The following ITGA8 variants were observed in gnomAD, a reference collection of about 807,000 sequenced individuals.
ITGA8 encodes integrin subunit alpha 8.
In ITGA8, 91 loss-of-function variants were observed where a neutral mutation model predicts 142.3. That is an observed-to-expected ratio of 0.64 (90% CI 0.54 to 0.76). The LOEUF (loss-of-function observed/expected upper bound fraction) is 0.76. ITGA8 is among the 30% of genes least tolerant of loss of function. The pLI is 0.00. For synonymous variants in ITGA8, 505 were observed against 485.2 expected (o/e 1.04, Z -0.54); for missense variants, 1,406 against 1,327.7 (o/e 1.06, Z -0.92).
At chr10:15,557,270 C>A (rs1833903542) in intron 26 of ITGA8, among the ~76,000 whole-genome samples, 1 of 152,142 alleles carries the variant, frequency 6.6e-6, no homozygotes, top group Admixed American at 6.5e-5. Flanking sequence ...GCCCCAGCTA[C>A]TCGGGAGACT....
chr10:15,637,768 C>T (rs562814685), intron 13 of ITGA8, among the ~76,000 whole-genome samples: 1 of 151,726 alleles, frequency 6.6e-6, no homozygotes, highest in South Asian at 2.1e-4. Context: ...ATTGGGATTA[C>T]AGGCATGAGC....
rs7922680 is a variant in ITGA8, at chr10:15,614,923, T to G, written c.1446-1156A>C. ...GAGATATACTGGGATCAAACACTTA[T>G]GAGGAAAAGTGGGGAGATGGAGGGG... is the stretch of plus-strand genomic sequence containing the variant. On this transcript the variant is annotated intron_variant, in intron 14 of 29. Transcript: ENST00000378076. Among the ~76,000 whole-genome samples the G allele has an allele frequency of 7.1e-3, 1,081 of 151,988 alleles. 15 individuals are homozygous for G. The highest frequency in any genetic ancestry group is 0.025 in the African/African-American group (1,017 of 41,458).
At chr10:15,660,731 G>A (rs1175219389) in intron 9 of ITGA8, 148 bp downstream of exon 9, 4 of 661,048 alleles carry the variant, frequency 6.1e-6, no homozygotes, top group African/African-American at 1.8e-5. Context: ...GGTTAGGTAA[G>A]CTATGATGTT....
intron 8 of ITGA8, among the ~76,000 whole-genome samples, chr10:15,665,220 A>G (rs1340523608): frequency 1.3e-5 from 2 of 152,194 alleles, no homozygotes; most frequent in Non-Finnish European, 2.9e-5. Context: ...AACTATTGTG[A>G]GATGGTATCT....
chr10:15,552,209 G>T (rs1230264315), intron 26 of ITGA8, among the ~76,000 whole-genome samples: 1 of 151,646 alleles, frequency 6.6e-6, no homozygotes, highest in African/African-American at 2.4e-5. Context: ...CCATCTCAGC[G>T]CACTACAAGC....
chr10:15,567,243 C>T (rs1422792870), intron 25 of ITGA8, among the ~76,000 whole-genome samples: 1 of 151,924 alleles, frequency 6.6e-6, no homozygotes, highest in Admixed American at 6.6e-5. Flanking sequence ...ACTTTTTCAA[C>T]CTCATCTTAT....
intron 15 of ITGA8, among the ~76,000 whole-genome samples, chr10:15,608,598 T>A (rs1187952209): frequency 6.6e-6 from 1 of 152,192 alleles, no homozygotes; most frequent in African/African-American, 2.4e-5. Context: ...CAGGTCAGTA[T>A]CTTCCATGTG....
At chr10:15,655,097 A>G (rs113733003) in intron 11 of ITGA8, among the ~76,000 whole-genome samples, 5 of 108,036 alleles carry the variant, frequency 4.6e-5, no homozygotes, top group African/African-American at 1.6e-4. Flanking sequence ...GCTGAAGACT[A>G]TAAAATTAAA....
At chr10:15,625,517 G>A (rs547148860) in intron 13 of ITGA8, among the ~76,000 whole-genome samples, 55 of 152,346 alleles carry the variant, frequency 3.6e-4, no homozygotes, top group African/African-American at 1.3e-3. Context: ...GTATGTAGCT[G>A]CCTATTGGAA....
chr10:15,646,771 C>T, intron 12 of ITGA8, 75 bp downstream of exon 12: 2 of 1,121,276 alleles, frequency 1.8e-6, no homozygotes. Flanking sequence ...ATACTGAATA[C>T]TTTAAAACAG....
At chr10:15,676,749 C>T (rs1834637833) in intron 6 of ITGA8, among the ~76,000 whole-genome samples, 1 of 152,166 alleles carries the variant, frequency 6.6e-6, no homozygotes, top group Admixed American at 6.5e-5. Flanking sequence ...TGGCTTAGGC[C>T]TGTAATCCTA....
In ITGA8 at chr10:15,607,726, A is replaced by G. The variant is rs1169946980; in HGVS notation, c.1715T>C (p.Ile572Thr). 1 of 1,613,968 alleles carries G rather than the reference A, an allele frequency of 6.2e-7. No homozygotes were observed. Among genetic ancestry groups the G allele is most frequent in the South Asian group, 1.1e-5 (1 of 91,076 alleles). ...GCACTGGTGGGATTTCTGCCTTTTT[A>G]TCACAAGAGGGAAGACGCGATGAGC... ...HQAHRVFPLV[I>T]KRQKSHQCQD... Residue 572 changes from isoleucine (I) to threonine (T), a missense_variant, in exon 17 of 30, where the codon ATA becomes ACA. Transcript: ENST00000378076.
intron 13 of ITGA8, among the ~76,000 whole-genome samples, chr10:15,625,333 A>T (rs1470202610): frequency 2.0e-5 from 3 of 152,228 alleles, no homozygotes; most frequent in Non-Finnish European, 2.9e-5. Flanking sequence ...TGGCTACAAG[A>T]ATGATCCTTC....
At chr10:15,546,299 T>C (rs1436996182) in intron 27 of ITGA8, among the ~76,000 whole-genome samples, 1 of 152,238 alleles carries the variant, frequency 6.6e-6, no homozygotes. Flanking sequence ...AGGTGCTATG[T>C]CTGTTGTGTT....
chr10:15,662,122 C>T (rs1400915157), intron 8 of ITGA8, among the ~76,000 whole-genome samples: 1 of 152,038 alleles, frequency 6.6e-6, no homozygotes, highest in Non-Finnish European at 1.5e-5. Context: ...TCTGCAATCT[C>T]ATGTGACCAC....
intron 28 of ITGA8, among the ~76,000 whole-genome samples, chr10:15,521,838 T>G (rs1371674421): frequency 6.6e-6 from 1 of 152,174 alleles, no homozygotes; most frequent in East Asian, 1.9e-4. Context: ...CCTAAGTAAT[T>G]TATTCTGAAA....
intron 25 of ITGA8, among the ~76,000 whole-genome samples, chr10:15,562,097 A>C (rs1833994589): frequency 6.6e-6 from 1 of 152,204 alleles, no homozygotes; most frequent in Non-Finnish European, 1.5e-5. Context: ...CTCTTGACAC[A>C]TGCGGATTAT....
At chr10:15,569,953 G>A (rs558975726) in intron 25 of ITGA8, among the ~76,000 whole-genome samples, 9 of 152,214 alleles carry the variant, frequency 5.9e-5, no homozygotes, top group Middle Eastern at 3.4e-3. Context: ...CATCATAAGA[G>A]GAGAATAATT....
chr10:15,564,019 A>G (rs567696811), intron 25 of ITGA8, among the ~76,000 whole-genome samples: 7 of 152,330 alleles, frequency 4.6e-5, no homozygotes, highest in African/African-American at 1.4e-4. Flanking sequence ...AACATGTCCT[A>G]TTGGGGTAAA....
Sources: allele counts gnomAD v4.1 joint callset (sites outside exome capture counted in the v4.1 genomes callset), GRCh38; gene constraint gnomAD v4.1.1; transcripts MANE v1.5; gene names NCBI Gene and HGNC (gene_info 2026-07-23, HGNC 2026-07-21).